RXRA: variants seen among roughly 807,000 people sequenced by gnomAD.
The protein encoded by RXRA is retinoic acid receptor RXR-alpha.
In RXRA, 5 loss-of-function variants were observed where a neutral mutation model predicts 44.5. The ratio of observed to expected loss-of-function variants is 0.11; its 90% CI spans 0.06 to 0.24. The LOEUF (loss-of-function observed/expected upper bound fraction) is 0.24, where lower values mean the gene tolerates loss of function less well. Among genes scored for constraint, RXRA ranks in the 10% least tolerant of loss-of-function variants. The pLI is 1.00. For synonymous variants in RXRA, 291 were observed against 271.4 expected (o/e 1.07, Z -0.71); for missense variants, 412 against 646.5 (o/e 0.64, Z 3.93).
chr9:134,371,193 G>T (rs1401554553), intron 1 of RXRA, among the ~76,000 whole-genome samples: 2 of 152,196 alleles, frequency 1.3e-5, no homozygotes, highest in Non-Finnish European at 1.5e-5. Flanking sequence ...GCCCAGTGGG[G>T]GCTGCTGGGG....
chr9:134,392,391 A>G (rs1830813580), intron 1 of RXRA, among the ~76,000 whole-genome samples: 1 of 152,078 alleles, frequency 6.6e-6, no homozygotes, highest in Non-Finnish European at 1.5e-5. Flanking sequence ...GCTGGAAAGC[A>G]GCTCTCAGGA....
chr9:134,332,886 A>G (rs150760925), intron 1 of RXRA, among the ~76,000 whole-genome samples: 1 of 152,052 alleles, frequency 6.6e-6, no homozygotes, highest in Non-Finnish European at 1.5e-5. Context: ...GCTCCTCAGC[A>G]TGGCAGCCTG....
intron 1 of RXRA, among the ~76,000 whole-genome samples, chr9:134,386,993 T>C (rs1007694647): frequency 1.3e-5 from 2 of 152,168 alleles, no homozygotes; most frequent in Non-Finnish European, 2.9e-5. Flanking sequence ...GGGCCCAGCG[T>C]TGGGACACTG....
At chr9:134,336,941 T>G in intron 1 of RXRA, among the ~76,000 whole-genome samples, 1 of 150,840 alleles carries the variant, frequency 6.6e-6, no homozygotes. Flanking sequence ...GGAGTGGGAG[T>G]AGATGGAGGG....
At chr9:134,428,822 C>G (rs557017734) in intron 6 of RXRA, among the ~76,000 whole-genome samples, 5 of 152,196 alleles carry the variant, frequency 3.3e-5, no homozygotes, top group African/African-American at 7.2e-5. Flanking sequence ...CCTGCACACG[C>G]GGGAGGAAGC....
chr9:134,376,796 G>A (rs1324510969), intron 1 of RXRA, among the ~76,000 whole-genome samples: 1 of 152,234 alleles, frequency 6.6e-6, no homozygotes, highest in Non-Finnish European at 1.5e-5. Context: ...AGCCAGGGGC[G>A]CAGCCCTAGG....
chr9:134,397,468 C>A (rs1830897086), intron 1 of RXRA, among the ~76,000 whole-genome samples: 1 of 152,190 alleles, frequency 6.6e-6, no homozygotes, highest in African/African-American at 2.4e-5. Flanking sequence ...CAGGTATCTG[C>A]ACTTTAGAGT....
intron 2 of RXRA, 23 bp downstream of exon 2, chr9:134,401,905 G>T (rs755140909): frequency 1.3e-6 from 2 of 1,561,106 alleles, no homozygotes; most frequent in Middle Eastern, 1.8e-4. Context: ...CTGGGGCAAG[G>T]GGAGGGGGTG....
rs550754111 is a variant in RXRA at position 134,433,436 on chromosome 9, C to T, written c.1136-666C>T. 7.9e-5 allele frequency among the ~76,000 whole-genome samples: 12 copies of T among 152,194 alleles called. No homozygotes were observed. Among genetic ancestry groups the T allele is most frequent in the South Asian group, 2.1e-4 (1 of 4,824 alleles). On this transcript the variant is annotated intron_variant, in intron 8 of 9. Transcript: ENST00000481739. The surrounding 1 kb of genome is among the most constrained non-coding windows in gnomAD (Gnocchi z 4.2). ...GGGAGGGCGAGGAGACTGGCTGGAGCGGAGGCAGCTGGGGGAGCCAGGTAC... is the reference window on the plus strand; with the variant it reads ...GGGAGGGCGAGGAGACTGGCTGGAGTGGAGGCAGCTGGGGGAGCCAGGTAC...
At chr9:134,362,688 A>G (rs1413284557) in intron 1 of RXRA, among the ~76,000 whole-genome samples, 5 of 152,110 alleles carry the variant, frequency 3.3e-5, no homozygotes, top group African/African-American at 1.2e-4. Flanking sequence ...ACAGACACAC[A>G]CTGCCGTCTT....
rs369503394 is a variant in RXRA at position 134,432,624 on chromosome 9, G to A, written c.1135+628G>A. 7.2e-5 allele frequency among the ~76,000 whole-genome samples: 11 copies of A among 152,372 alleles called. No individual in the cohort carries two copies. The East Asian group carries it at 1.7e-3, about 24-fold the overall frequency. ...AGTGCTGACACGTGCCTGTTTGCTC[G>A]GTGCCCTGCTGGCATGGGAGGGCCC... On this transcript the variant is annotated intron_variant, in intron 8 of 9. Coordinates refer to ENST00000481739, the MANE Select transcript of RXRA (RefSeq NM_002957.6).
At chr9:134,425,821 C>T (rs1831425271) in intron 6 of RXRA, 1 of 985,206 alleles carries the variant, frequency 1.0e-6, no homozygotes, top group African/African-American at 1.7e-5. Context: ...TCTGGGGGGG[C>T]CCTGCCCTGC....
At chr9:134,385,963 G>A (rs1036088144) in intron 1 of RXRA, among the ~76,000 whole-genome samples, 2 of 152,358 alleles carry the variant, frequency 1.3e-5, no homozygotes, top group African/African-American at 2.4e-5. Flanking sequence ...CGGGTGTGAC[G>A]GTCGTGTCTC....
chr9:134,414,318 A>C (rs890817077), intron 4 of RXRA, among the ~76,000 whole-genome samples: 1 of 152,238 alleles, frequency 6.6e-6, no homozygotes, highest in Non-Finnish European at 1.5e-5. Context: ...GGGGCTCCCC[A>C]TGCCCTGGGG....
chr9:134,419,604 T>G (rs973374077), intron 5 of RXRA, among the ~76,000 whole-genome samples: 27 of 152,176 alleles, frequency 1.8e-4, no homozygotes, highest in African/African-American at 6.5e-4. Flanking sequence ...GTGCCTGGTT[T>G]CTCCCCAGCG....
In RXRA at chr9:134,426,275, A is replaced by C; in HGVS notation, c.911-2833A>C. 1.0e-6 allele frequency: 1 copy of C among 985,424 alleles called. No individual in the cohort carries two copies. Among genetic ancestry groups the C allele is most frequent in the Non-Finnish European group, 1.2e-6 (1 of 829,922 alleles). The allele number at this position is 985,424 out of a possible 1,614,324, so 61.0% of individuals were successfully genotyped here. A position where few individuals can be genotyped will look rare whatever the true frequency, so the allele number is the denominator to read the frequency against. On this transcript the variant is annotated intron_variant, in intron 6 of 9. Transcript: ENST00000481739. This position sits in a 1 kb window ranked among gnomAD's most constrained non-coding sequence, Gnocchi z 4.6. ...AGCTGTGTCCGTGCCGGGCCCCCAC[A>C]TCACAGGGCCAGGAGCCCTCCTTCC...
At chr9:134,382,965 C>T (rs935351240) in intron 1 of RXRA, among the ~76,000 whole-genome samples, 4 of 152,314 alleles carry the variant, frequency 2.6e-5, no homozygotes, top group Non-Finnish European at 2.9e-5. Context: ...GTTAGCGAGA[C>T]CCTGGCTGAA....
rs1340480148 is a variant in RXRA, at chr9:134,422,029, TGGATGCTCCCATCTCCCA to T, written c.910+228_910+245del. ...TTCCCGGAACACACTCCCCCCTCCC[TGGATGCTCCCATCTCCCA>T]GGACGCTCCCCTCTCCCAGGACGCT... On this transcript the variant is annotated intron_variant, in intron 6 of 9. Coordinates refer to ENST00000481739, the MANE Select transcript of RXRA (RefSeq NM_002957.6). 6.7e-6 allele frequency: 8 copies of T among 1,187,422 alleles called. 1 individual carries two copies. The highest frequency in any genetic ancestry group is 3.7e-5 in the Admixed American group (1 of 27,180). 73.6% of individuals were successfully genotyped at this position (1,187,422 alleles called of 1,614,324 possible).
chr9:134,362,526 G>A (rs1449356080), intron 1 of RXRA, among the ~76,000 whole-genome samples: 2 of 152,234 alleles, frequency 1.3e-5, no homozygotes, highest in African/African-American at 2.4e-5. Context: ...AGTCTGCCTC[G>A]TGGTCACAGC....
Sources: gnomAD v4.1 joint callset for allele counts (sites outside exome capture counted in the v4.1 genomes callset) on GRCh38, gnomAD v4.1.1 for gene constraint, Gnocchi (gnomAD v3.1) non-coding constraint, MANE v1.5 for transcripts, NCBI Gene and HGNC (gene_info 2026-07-23, HGNC 2026-07-21) for gene names.